Variants in TLL1 observed in about 807,000 individuals in gnomAD.
TLL1 encodes the protein tolloid-like protein 1.
Under a neutral mutation model 128.2 loss-of-function variants are expected in TLL1, and 49 were observed. The observed-to-expected ratio is 0.38, with a 90% CI of 0.30 to 0.48. TLL1 has a LOEUF of 0.48. TLL1 is among the 20% of genes least tolerant of loss of function. The probability of loss-of-function intolerance (pLI) is 0.96; values close to 1 mark genes in which losing one functional copy is unlikely to be tolerated. For missense variants in TLL1, 1,123 were observed against 1,242.0 expected (o/e 0.90, Z 1.44); for synonymous variants, 454 against 418.8 (o/e 1.08, Z -1.03).
rs543149197 is a variant in TLL1 at position 166,077,961 on chromosome 4, A to C, written c.2373A>C (p.Pro791=). Residue 791 remains proline (P), a synonymous_variant, in exon 18 of 21, where the codon CCA becomes CCC. Coordinates refer to ENST00000061240, the MANE Select transcript of TLL1 (RefSeq NM_012464.5). The part of the protein sequence containing the change: ...PSGLITSPNW[P]DKYPSRKECT... ...GCCTCATCACCAGTCCCAACTGGCC[A>C]GACAAGTACCCAAGCAGGAAAGAAT... 4 of 1,613,622 alleles carry C rather than the reference A, an allele frequency of 2.5e-6. No individual in the cohort carries two copies. The African/African-American group carries it at 4.0e-5, about 16-fold the overall frequency.
At chr4:166,040,099 T>C (rs191052514) in intron 10 of TLL1, among the ~76,000 whole-genome samples, 19 of 152,332 alleles carry the variant, frequency 1.2e-4, no homozygotes, top group African/African-American at 4.1e-4. Flanking sequence ...TACTTAAAGG[T>C]GAGAGCTGTT....
At chr4:165,970,877 A>G (rs1055347445) in intron 1 of TLL1, among the ~76,000 whole-genome samples, 6 of 152,172 alleles carry the variant, frequency 3.9e-5, no homozygotes, top group African/African-American at 1.4e-4. Context: ...TTTGACGCAT[A>G]GTCTGTCCAC....
At position 166,091,147 on chromosome 4, in the gene TLL1, T is replaced by C. The variant is rs1294803106; in HGVS notation, c.2462T>C (p.Ile821Thr). The C allele has an allele frequency of 1.9e-6, 3 of 1,612,462 alleles. No homozygotes were observed. In the African/African-American group the frequency reaches 4.0e-5, roughly 22 times the overall value. The change falls in exon 19 of 21, where the codon ATT becomes ACT. Residue 821 changes from isoleucine (I) to threonine (T), a missense_variant. Ile to Thr is a moderately conservative substitution (Grantham distance 89). This residue lies in a region of TLL1 where 634 missense variants were observed against 672.4 expected (regional missense o/e 0.94). Transcript: ENST00000061240. ...AAAAAGGCCTTTAGTGAATTTGAGATTGAGCAGCATCAAGAATGTGCTTAT... is the reference window on the plus strand; with the variant it reads ...AAAAAGGCCTTTAGTGAATTTGAGACTGAGCAGCATCAAGAATGTGCTTAT... ...RIKLAFSEFE[I>T]EQHQECAYDH...
At chr4:165,926,239 A>G (rs1412983662) in intron 1 of TLL1, among the ~76,000 whole-genome samples, 2 of 152,210 alleles carry the variant, frequency 1.3e-5, no homozygotes, top group Non-Finnish European at 2.9e-5. Context: ...TATACCAGAT[A>G]ATGTTTCTGT....
At chr4:166,010,139 C>A (rs759920766) in intron 7 of TLL1, among the ~76,000 whole-genome samples, 1 of 151,386 alleles carries the variant, frequency 6.6e-6, no homozygotes, top group Non-Finnish European at 1.5e-5. Context: ...TATGTTGTAG[C>A]ATGTGAAAGT....
At chr4:166,043,515 T>A in intron 12 of TLL1, 96 bp downstream of exon 12, 2 of 1,562,160 alleles carry the variant, frequency 1.3e-6, no homozygotes, top group Non-Finnish European at 1.8e-6. Flanking sequence ...AAACAGAGAG[T>A]CAGCCTTTTA....
chr4:166,014,508 C>T lies in TLL1; in HGVS notation c.990C>T (p.Thr330=), dbSNP rs1193512724. The change falls in exon 8 of 21, where the codon ACC becomes ACT. Residue 330 remains threonine (T), a synonymous_variant. Transcript: ENST00000061240. The part of the protein sequence containing the change: ...NGIRPAIGQR[T]RLSKGDIAQA... ...TACGTCCTGCAATTGGTCAGCGAAC[C>T]CGTCTAAGCAAAGGAGATATCGCAC... 2 of 1,612,308 alleles carry T rather than the reference C, an allele frequency of 1.2e-6. No homozygotes were observed. Among genetic ancestry groups the T allele is most frequent in the Non-Finnish European group, 1.7e-6 (2 of 1,178,878 alleles).
At chr4:166,067,986 A>G (rs1740646077) in intron 16 of TLL1, among the ~76,000 whole-genome samples, 1 of 151,792 alleles carries the variant, frequency 6.6e-6, no homozygotes, top group African/African-American at 2.4e-5. Context: ...ATGACCTGGA[A>G]AACAACAGCA....
At chr4:165,915,233 A>G (rs967145) in intron 1 of TLL1, among the ~76,000 whole-genome samples, 16,673 of 152,220 alleles carry the variant, frequency 0.11, 1,013 homozygotes, top group East Asian at 0.17. Context: ...AAAATTCATT[A>G]AATACTAATA....
chr4:165,923,190 T>C (rs1183309763), intron 1 of TLL1, among the ~76,000 whole-genome samples: 1 of 152,076 alleles, frequency 6.6e-6, no homozygotes, highest in Non-Finnish European at 1.5e-5. Flanking sequence ...TGATTTTTTT[T>C]CTCTAAAAAT....
At chr4:166,015,883 T>G (rs1266649556) in intron 8 of TLL1, among the ~76,000 whole-genome samples, 2 of 151,734 alleles carry the variant, frequency 1.3e-5, no homozygotes, top group Non-Finnish European at 2.9e-5. Flanking sequence ...TTTACTGTAA[T>G]TGTTAGTTTT....
Position 165,949,055 on chromosome 4 carries a change from C to T in TLL1, c.170-40326C>T, listed in dbSNP as rs562228103. On this transcript the variant is annotated intron_variant, in intron 1 of 20. Coordinates refer to ENST00000061240, the MANE Select transcript of TLL1 (RefSeq NM_012464.5). The stretch of plus-strand genomic sequence containing the variant: ...ATTATCCTGGATTATCTGAATGGAC[C>T]TACTGTAATTAAATGATCTGTTAAA... 5.2e-4 allele frequency among the ~76,000 whole-genome samples: 79 copies of T among 151,970 alleles called. 1 individual carries two copies. The highest frequency in any genetic ancestry group is 3.4e-3 in the Middle Eastern group (1 of 294).
At chr4:166,032,912 C>T (rs78211780) in intron 9 of TLL1, among the ~76,000 whole-genome samples, 6,820 of 152,148 alleles carry the variant, frequency 0.045, 207 homozygotes, top group African/African-American at 0.065. Context: ...ATTCACCCCA[C>T]AGCAGAAAAT....
At chr4:165,879,236 G>A (rs569413679) in intron 1 of TLL1, among the ~76,000 whole-genome samples, 10 of 152,084 alleles carry the variant, frequency 6.6e-5, no homozygotes, top group African/African-American at 2.2e-4. Context: ...GTGAGCACCC[G>A]GCTGACAGTT....
intron 5 of TLL1, among the ~76,000 whole-genome samples, chr4:166,000,075 C>T (rs1183601132): frequency 1.3e-5 from 2 of 152,116 alleles, no homozygotes; most frequent in Admixed American, 1.3e-4. Flanking sequence ...TGAGGCTTTT[C>T]TGTTGATAGG....
chr4:165,906,772 G>A (rs529358933), intron 1 of TLL1, among the ~76,000 whole-genome samples: 6 of 148,096 alleles, frequency 4.1e-5, no homozygotes, highest in African/African-American at 1.2e-4. Context: ...GTATCTTAGT[G>A]TAGTGATTTT....
At chr4:165,929,717 CTTCTAT>C (rs1356593501) in intron 1 of TLL1, among the ~76,000 whole-genome samples, 1 of 152,128 alleles carries the variant, frequency 6.6e-6, no homozygotes, top group Non-Finnish European at 1.5e-5. Flanking sequence ...GGAAATCTGA[CTTCTAT>C]TTCTAGCCTA....
chr4:166,024,286 T>C (rs570284545), intron 8 of TLL1, among the ~76,000 whole-genome samples: 2 of 152,348 alleles, frequency 1.3e-5, no homozygotes, highest in East Asian at 3.9e-4. Flanking sequence ...TATCTTTCTT[T>C]CTTTAACACA....
chr4:165,925,064 G>C (rs1327201948), intron 1 of TLL1, among the ~76,000 whole-genome samples: 2 of 152,180 alleles, frequency 1.3e-5, no homozygotes, highest in Non-Finnish European at 2.9e-5. Context: ...TGTCACTCAA[G>C]AGTTCCAAAA....
Sources: gnomAD v4.1 joint callset for allele counts (sites outside exome capture counted in the v4.1 genomes callset) on GRCh38, gnomAD v4.1.1 for gene constraint, gnomAD v4.1.1 regional missense constraint, MANE v1.5 for transcripts, NCBI Gene and HGNC (gene_info 2026-07-23, HGNC 2026-07-21) for gene names.